The following PPM1E variants were observed in gnomAD, a reference collection of about 807,000 sequenced individuals.
The protein encoded by PPM1E is protein phosphatase 1E.
Under a neutral mutation model 65.9 loss-of-function variants are expected in PPM1E, and 20 were observed. The observed-to-expected ratio is 0.30, with a 90% CI of 0.21 to 0.44. The LOEUF is 0.44. Among genes scored for constraint, PPM1E ranks in the 20% least tolerant of loss-of-function variants. The probability of loss-of-function intolerance (pLI) is 1.00; values close to 1 mark genes in which losing one functional copy is unlikely to be tolerated. For missense variants in PPM1E, 713 were observed against 953.1 expected, an observed-to-expected ratio of 0.75 and a Z score of 3.32; for synonymous variants, 352 against 374.9, an observed-to-expected ratio of 0.94 and a Z score of 0.70.
At chr17:58,957,862 C>T (rs1173010913) in intron 2 of PPM1E, among the ~76,000 whole-genome samples, 1 of 152,182 alleles carries the variant, frequency 6.6e-6, no homozygotes, top group Non-Finnish European at 1.5e-5. Context: ...AATTTGAGGG[C>T]CAGCTGTTGG....
intron 1 of PPM1E, among the ~76,000 whole-genome samples, chr17:58,878,900 ATC>A (rs563845423): frequency 1.9e-4 from 25 of 132,224 alleles, no homozygotes; most frequent in African/African-American, 7.0e-4. Context: ...GCGAAACTGC[ATC>A]TCTAAAAAAA....
At chr17:58,855,131 C>T (rs1051041400) in intron 1 of PPM1E, among the ~76,000 whole-genome samples, 6 of 152,038 alleles carry the variant, frequency 3.9e-5, no homozygotes, top group East Asian at 1.9e-4. Flanking sequence ...AGTGAATATG[C>T]GAGAAAAATC....
chr17:58,820,040 C>T (rs540026894), intron 1 of PPM1E, among the ~76,000 whole-genome samples: 1 of 151,772 alleles, frequency 6.6e-6, no homozygotes, highest in African/African-American at 2.4e-5. Context: ...CCATTTCAAA[C>T]AAAAAATAAA....
chr17:58,788,917 A>G (rs1303091492), intron 1 of PPM1E, among the ~76,000 whole-genome samples: 1 of 152,202 alleles, frequency 6.6e-6, no homozygotes, highest in African/African-American at 2.4e-5. Flanking sequence ...ATTTTTAATA[A>G]TTTTAGTCAG....
chr17:58,975,467 T>C (rs2030941245), intron 6 of PPM1E, among the ~76,000 whole-genome samples: 1 of 152,140 alleles, frequency 6.6e-6, no homozygotes, highest in Non-Finnish European at 1.5e-5. Flanking sequence ...TGATACCTCA[T>C]CTCTATTTTA....
At chr17:58,808,232 G>A (rs2050333316) in intron 1 of PPM1E, among the ~76,000 whole-genome samples, 3 of 152,112 alleles carry the variant, frequency 2.0e-5, no homozygotes, top group Admixed American at 6.6e-5. Context: ...AAGTTTTAAT[G>A]CCTAGTAGGA....
chr17:58,955,147 C>T (rs2029867772), intron 1 of PPM1E, among the ~76,000 whole-genome samples: 1 of 152,060 alleles, frequency 6.6e-6, no homozygotes, highest in African/African-American at 2.4e-5. Context: ...GGCGGATCAC[C>T]TGAGGTTGGG....
intron 1 of PPM1E, among the ~76,000 whole-genome samples, chr17:58,908,173 C>T (rs895634427): frequency 6.6e-6 from 1 of 151,906 alleles, no homozygotes; most frequent in Non-Finnish European, 1.5e-5. Flanking sequence ...CCTCTACTTC[C>T]CAGATTCAAG....
At chr17:58,960,202 G>C (rs1183826891) in intron 2 of PPM1E, among the ~76,000 whole-genome samples, 1 of 152,154 alleles carries the variant, frequency 6.6e-6, no homozygotes, top group East Asian at 1.9e-4. Flanking sequence ...GGCTCCATGA[G>C]GTGGCAGTAT....
At chr17:58,813,789 T>C (rs1382335932) in intron 1 of PPM1E, among the ~76,000 whole-genome samples, 2 of 152,376 alleles carry the variant, frequency 1.3e-5, no homozygotes, top group East Asian at 3.9e-4. Context: ...GAAGAGTTTC[T>C]GGCTTTCCTC....
chr17:58,766,753 C>T (rs376530546), intron 1 of PPM1E, among the ~76,000 whole-genome samples: 2 of 152,170 alleles, frequency 1.3e-5, no homozygotes, highest in South Asian at 4.1e-4. Context: ...ATTCAGCTAT[C>T]ACTGATTTTG....
chr17:58,881,433 G>T (rs956149574), intron 1 of PPM1E, among the ~76,000 whole-genome samples: 10 of 152,250 alleles, frequency 6.6e-5, no homozygotes, highest in Admixed American at 6.5e-4. Context: ...GAAGGCCGAG[G>T]TGAGTGGATC....
At chr17:58,906,430 C>T (rs1306922807) in intron 1 of PPM1E, among the ~76,000 whole-genome samples, 1 of 152,170 alleles carries the variant, frequency 6.6e-6, no homozygotes, top group Non-Finnish European at 1.5e-5. Context: ...CTTCAATCTC[C>T]CAGGCTCAAG....
intron 1 of PPM1E, among the ~76,000 whole-genome samples, chr17:58,774,170 C>A (rs116224007): frequency 1.5e-3 from 226 of 149,004 alleles, no homozygotes; most frequent in Middle Eastern, 0.01. Flanking sequence ...CCCCCCCCCC[C>A]AAAAAAAACA....
chr17:58,962,438 G>A (rs977530554), intron 2 of PPM1E, among the ~76,000 whole-genome samples: 12 of 151,990 alleles, frequency 7.9e-5, no homozygotes, highest in African/African-American at 2.4e-5. Flanking sequence ...TATGTTATTC[G>A]TTTCACCCTA....
intron 1 of PPM1E, among the ~76,000 whole-genome samples, chr17:58,767,903 A>G (rs1343866338): frequency 6.6e-6 from 1 of 151,980 alleles, no homozygotes; most frequent in South Asian, 2.1e-4. Flanking sequence ...CGGCCTCCCA[A>G]AGTGCTGGGA....
chr17:58,855,165 G>T (rs1317830729), intron 1 of PPM1E, among the ~76,000 whole-genome samples: 3 of 152,150 alleles, frequency 2.0e-5, no homozygotes, highest in Non-Finnish European at 4.4e-5. Flanking sequence ...GGAAGGGAAA[G>T]GGGAAAAGGA....
At chr17:58,815,755 C>A in intron 1 of PPM1E, among the ~76,000 whole-genome samples, 1 of 152,090 alleles carries the variant, frequency 6.6e-6, no homozygotes, top group Non-Finnish European at 1.5e-5. Context: ...ATATGCTAAT[C>A]ATTATTGTGA....
intron 1 of PPM1E, among the ~76,000 whole-genome samples, chr17:58,802,798 G>A (rs1219979035): frequency 3.3e-5 from 5 of 151,858 alleles, no homozygotes; most frequent in African/African-American, 9.7e-5. Context: ...TGATGTTACT[G>A]TAAGTGGGAT....
Sources: allele counts gnomAD v4.1 joint callset (sites outside exome capture counted in the v4.1 genomes callset), GRCh38; gene constraint gnomAD v4.1.1; transcripts MANE v1.5; gene names NCBI Gene and HGNC (gene_info 2026-07-23, HGNC 2026-07-21).